The following ARHGEF12 variants were observed in gnomAD, a reference collection of about 807,000 sequenced individuals.
ARHGEF12 encodes the protein KMT2A/ARHGEF12 fusion protein.
ARHGEF12 carries 66 observed loss-of-function variants against 211.2 expected under a neutral mutation model. The observed-to-expected ratio is 0.31, with a 90% CI of 0.26 to 0.38. The LOEUF (loss-of-function observed/expected upper bound fraction) is 0.38. Ranked by LOEUF, ARHGEF12 falls within the 10% of genes least tolerant of loss-of-function variation. The pLI is 1.00. For synonymous variants in ARHGEF12, 592 were observed against 638.4 expected (o/e 0.93, Z 1.09); for missense variants, 1,429 against 1,869.5 (o/e 0.76, Z 4.34).
At chr11:120,445,746 A>G (rs76552492) in intron 16 of ARHGEF12, among the ~76,000 whole-genome samples, 4,031 of 152,214 alleles carry the variant, frequency 0.026, 187 homozygotes, top group African/African-American at 0.092. Context: ...TGAAAATACA[A>G]AAATGAGCTG....
chr11:120,358,845 G>C (rs758852373), intron 1 of ARHGEF12, among the ~76,000 whole-genome samples: 1 of 152,178 alleles, frequency 6.6e-6, no homozygotes, highest in Non-Finnish European at 1.5e-5. Context: ...GGGTGGTTCT[G>C]CTTCAAGGTT....
intron 1 of ARHGEF12, among the ~76,000 whole-genome samples, chr11:120,347,132 T>TTTCCTTCCTTCCTTCC (rs71050738): frequency 3.5e-4 from 41 of 115,662 alleles, no homozygotes; most frequent in South Asian, 9.3e-4. Context: ...TCTTTCTTTC[T>TTTCCTTCCTTCCTTCC]TTCCTTCCTT....
chr11:120,424,336 C>G, intron 6 of ARHGEF12, 22 bp from the exon 7 acceptor site: 4 of 1,596,502 alleles, frequency 2.5e-6, no homozygotes, highest in Non-Finnish European at 3.4e-6. Flanking sequence ...ATCTGACATA[C>G]ACTACTTTCG....
chr11:120,348,802 C>T (rs527615306), intron 1 of ARHGEF12, among the ~76,000 whole-genome samples: 2 of 152,226 alleles, frequency 1.3e-5, no homozygotes, highest in African/African-American at 2.4e-5. Context: ...GATCATGCCA[C>T]TGCACTCCAG....
rs55899848 is a variant in ARHGEF12 at position 120,436,023 on chromosome 11, A to G, written c.925-1285A>G. Among the ~76,000 whole-genome samples the G allele has an allele frequency of 2.6e-3, 390 of 152,312 alleles. 1 individual carries two copies. Among genetic ancestry groups the G allele is most frequent in the African/African-American group, 8.7e-3 (363 of 41,574 alleles). ...CTTATACAGAAAATGTAGGGTAAAT[A>G]CTTCTCTTGATTCTTTTCAGAAGAG... On this transcript the variant is annotated intron_variant, in intron 11 of 40. Coordinates refer to ENST00000397843, the MANE Select transcript of ARHGEF12 (RefSeq NM_015313.3).
intron 15 of ARHGEF12, among the ~76,000 whole-genome samples, 199 bp downstream of exon 15, chr11:120,442,401 G>T (rs1406736279): frequency 1.4e-5 from 2 of 145,600 alleles, no homozygotes; most frequent in Admixed American, 6.9e-5. Flanking sequence ...CTCACAGTAG[G>T]TTTTAGGGGA....
intron 1 of ARHGEF12, among the ~76,000 whole-genome samples, chr11:120,401,427 T>C (rs1180311184): frequency 2.0e-5 from 3 of 151,814 alleles, no homozygotes; most frequent in African/African-American, 7.3e-5. Context: ...TTAGCTGTTT[T>C]GTTATTTTGT....
rs1370829731 is a variant in ARHGEF12, at chr11:120,336,604, C to T, written c.-640C>T. Reference sequence around the variant, plus strand: ...GGAGCAGTCCGCGGCGCTGAGAGACCCGGGTCCCTGTCACCTCGGGCCGCG... The same window carrying T: ...GGAGCAGTCCGCGGCGCTGAGAGACTCGGGTCCCTGTCACCTCGGGCCGCG... On this transcript the variant is annotated 5_prime_UTR_variant, in exon 1 of 41. Coordinates refer to ENST00000397843, the MANE Select transcript of ARHGEF12 (RefSeq NM_015313.3). 6.6e-6 allele frequency among the ~76,000 whole-genome samples: 1 copy of T among 152,130 alleles called. No individual in the cohort carries two copies. The highest frequency in any genetic ancestry group is 1.5e-5 in the Non-Finnish European group (1 of 68,004).
chr11:120,350,192 G>A (rs1371686320), intron 1 of ARHGEF12, among the ~76,000 whole-genome samples: 1 of 152,152 alleles, frequency 6.6e-6, no homozygotes, highest in Non-Finnish European at 1.5e-5. Flanking sequence ...ATGATAGAGT[G>A]ATATTTATTC....
chr11:120,388,058 T>C (rs9666344), intron 1 of ARHGEF12, among the ~76,000 whole-genome samples: 2,059 of 152,218 alleles, frequency 0.014, 57 homozygotes, highest in African/African-American at 0.047. Flanking sequence ...CCCCAAAGGT[T>C]TCCTTGTGCA....
At chr11:120,353,154 C>A (rs1283082152) in intron 1 of ARHGEF12, among the ~76,000 whole-genome samples, 1 of 152,198 alleles carries the variant, frequency 6.6e-6, no homozygotes, top group Non-Finnish European at 1.5e-5. Context: ...AGATCACACT[C>A]AAAAGCTTGG....
intron 1 of ARHGEF12, among the ~76,000 whole-genome samples, chr11:120,391,759 G>T (rs73582234): frequency 0.015 from 2,249 of 152,202 alleles, 53 homozygotes; most frequent in African/African-American, 0.05. Flanking sequence ...ACTTAATAGC[G>T]CCTCCCATTC....
At position 120,480,108 on chromosome 11, in the gene ARHGEF12, C is replaced by G. The variant is rs766882832; in HGVS notation, c.3915C>G (p.Ala1305=). Residue 1305 remains alanine (A), a synonymous_variant, in exon 38 of 41, where the codon GCC becomes GCG. Transcript: ENST00000397843. ...SVIQNSENIK[A]YHSGEGHMPF... ...TCCAGAACTCTGAAAATATTAAGGCCTATCATTCTGGTGAAGGACATATGC... is the reference window on the plus strand; with the variant it reads ...TCCAGAACTCTGAAAATATTAAGGCGTATCATTCTGGTGAAGGACATATGC... 14 of 1,614,170 alleles carry G rather than the reference C, an allele frequency of 8.7e-6. No homozygotes were observed. The highest frequency in any genetic ancestry group is 1.1e-5 in the Non-Finnish European group (13 of 1,180,024).
intron 1 of ARHGEF12, among the ~76,000 whole-genome samples, chr11:120,382,739 A>G (rs1421292378): frequency 6.6e-6 from 1 of 152,126 alleles, no homozygotes; most frequent in Admixed American, 6.5e-5. Context: ...GCACCTTTTT[A>G]TATGTGCATT....
intron 1 of ARHGEF12, among the ~76,000 whole-genome samples, chr11:120,402,771 C>T (rs771226922): frequency 2.0e-5 from 3 of 152,140 alleles, no homozygotes; most frequent in Non-Finnish European, 4.4e-5. Context: ...TGTCAAAAGG[C>T]TCTTTATGCA....
intron 11 of ARHGEF12, among the ~76,000 whole-genome samples, chr11:120,436,657 A>G (rs1016063583): frequency 8.5e-5 from 13 of 152,194 alleles, no homozygotes; most frequent in Non-Finnish European, 1.8e-4. Context: ...ATTATCCCCT[A>G]GACAATACAG....
chr11:120,385,258 G>A, intron 1 of ARHGEF12: 1 of 978,410 alleles, frequency 1.0e-6, no homozygotes, highest in Non-Finnish European at 1.2e-6. Context: ...GAATGATGAT[G>A]GTAGATGATT....
At chr11:120,344,159 G>A (rs1430610759) in intron 1 of ARHGEF12, among the ~76,000 whole-genome samples, 3 of 150,402 alleles carry the variant, frequency 2.0e-5, no homozygotes, top group African/African-American at 7.4e-5. Context: ...CCAGCTACTC[G>A]GGAGGCTAAG....
intron 1 of ARHGEF12, among the ~76,000 whole-genome samples, chr11:120,350,158 A>G (rs1047932732): frequency 6.6e-6 from 1 of 152,174 alleles, no homozygotes. Flanking sequence ...CTGCTGAATT[A>G]TATCTTAAAA....
Sources: allele counts gnomAD v4.1 joint callset (sites outside exome capture counted in the v4.1 genomes callset), GRCh38; gene constraint gnomAD v4.1.1; transcripts MANE v1.5; gene names NCBI Gene and HGNC (gene_info 2026-07-23, HGNC 2026-07-21).